The following DIS3L2 variants were observed in gnomAD, a reference collection of about 807,000 sequenced individuals.
The protein encoded by DIS3L2 is DIS3-like exonuclease 2.
A neutral mutation model predicts 97.5 loss-of-function variants in DIS3L2; 34 were observed. The observed-to-expected ratio is 0.35, with a 90% CI of 0.27 to 0.46. The LOEUF is 0.46. Ranked by LOEUF, DIS3L2 falls within the 20% of genes least tolerant of loss-of-function variation. The pLI is 1.00. For synonymous variants in DIS3L2, 435 were observed against 445.2 expected, an observed-to-expected ratio of 0.98 and a Z score of 0.29; for missense variants, 1,038 against 1,146.0, an observed-to-expected ratio of 0.91 and a Z score of 1.36.
chr2:232,216,484 A>G (rs970283215), intron 10 of DIS3L2, among the ~76,000 whole-genome samples: 7 of 152,012 alleles, frequency 4.6e-5, no homozygotes, highest in South Asian at 2.1e-4. Flanking sequence ...GCAAAGCCAC[A>G]TGGCTGACCT....
intron 13 of DIS3L2, chr2:232,343,060 C>A: frequency 2.8e-6 from 1 of 358,128 alleles, no homozygotes. Context: ...AGCTGCATCA[C>A]ACTGCTCTGC....
chr2:232,309,680 C>CAAGCCAAAGCCAAAGCCA (rs959324943), intron 14 of DIS3L2, among the ~76,000 whole-genome samples: 1 of 152,158 alleles, frequency 6.6e-6, no homozygotes, highest in Non-Finnish European at 1.5e-5. Context: ...GGAAAGTCCT[C>CAAGCCAAAGCCAAAGCCA]AAGCCAAAGC....
intron 5 of DIS3L2, among the ~76,000 whole-genome samples, chr2:232,069,334 G>T (rs935991884): frequency 1.3e-5 from 2 of 152,082 alleles, no homozygotes; most frequent in Non-Finnish European, 2.9e-5. Flanking sequence ...ATTCTAAAAG[G>T]GGAATAATCT....
intron 6 of DIS3L2, 28 bp from the exon 7 acceptor site, chr2:232,130,591 C>G: frequency 6.3e-7 from 1 of 1,597,842 alleles, no homozygotes; most frequent in Admixed American, 1.8e-5. Flanking sequence ...TTGATGACTC[C>G]TCTTCTCTCT....
chr2:232,117,496 C>T (rs1327337611), intron 6 of DIS3L2, among the ~76,000 whole-genome samples: 1 of 152,150 alleles, frequency 6.6e-6, no homozygotes, highest in Non-Finnish European at 1.5e-5. Flanking sequence ...GGGAATTTTC[C>T]AAACCATTTT....
chr2:232,341,386 G>A (rs776547967), downstream of DIS3L2, among the ~76,000 whole-genome samples: 6 of 152,216 alleles, frequency 3.9e-5, no homozygotes, highest in Non-Finnish European at 4.4e-5. Flanking sequence ...GAAGTACTTC[G>A]CATAGAGCCT....
intron 5 of DIS3L2, among the ~76,000 whole-genome samples, chr2:232,065,490 A>C (rs114280618): frequency 6.6e-6 from 1 of 152,026 alleles, no homozygotes; most frequent in Non-Finnish European, 1.5e-5. Context: ...TTGAATTACC[A>C]TGACATCTTT....
intron 6 of DIS3L2, among the ~76,000 whole-genome samples, chr2:232,096,081 A>G (rs1047694842): frequency 2.1e-5 from 3 of 141,942 alleles, no homozygotes; most frequent in African/African-American, 7.8e-5. Context: ...GCCTTGGGGT[A>G]GTTGTCTTTT....
intron 13 of DIS3L2, among the ~76,000 whole-genome samples, chr2:232,272,791 T>C (rs1216115108): frequency 6.6e-6 from 1 of 152,210 alleles, no homozygotes; most frequent in Non-Finnish European, 1.5e-5. Context: ...GGGATGGCCC[T>C]TGTGCGACCT....
At chr2:232,314,398 G>A (rs1340736746) in intron 14 of DIS3L2, among the ~76,000 whole-genome samples, 1 of 152,214 alleles carries the variant, frequency 6.6e-6, no homozygotes, top group Non-Finnish European at 1.5e-5. Flanking sequence ...GAGGAATGAA[G>A]AGGACAGAGA....
chr2:232,259,577 A>G (rs1693664217), intron 12 of DIS3L2, among the ~76,000 whole-genome samples: 1 of 151,992 alleles, frequency 6.6e-6, no homozygotes, highest in Admixed American at 6.5e-5. Flanking sequence ...ATGCATAAAT[A>G]TTTCAGGGAG....
At chr2:232,051,780 C>T (rs1695410979) in intron 5 of DIS3L2, among the ~76,000 whole-genome samples, 1 of 130,050 alleles carries the variant, frequency 7.7e-6, no homozygotes, top group African/African-American at 2.8e-5. Flanking sequence ...CCACTGCACT[C>T]CAGCCTGGGC....
At chr2:232,069,071 C>T (rs1259215832) in intron 5 of DIS3L2, among the ~76,000 whole-genome samples, 1 of 152,132 alleles carries the variant, frequency 6.6e-6, no homozygotes, top group East Asian at 1.9e-4. Context: ...CCCGCCTCAG[C>T]CTCCCAAAGT....
At chr2:232,038,371 A>G (rs72987676) in intron 5 of DIS3L2, among the ~76,000 whole-genome samples, 2,226 of 152,252 alleles carry the variant, frequency 0.015, 23 homozygotes, top group Non-Finnish European at 0.021. Flanking sequence ...ATAGGGAGAA[A>G]CAGAAGAATG....
intron 1 of DIS3L2, among the ~76,000 whole-genome samples, chr2:231,974,432 C>A (rs1693016137): frequency 6.6e-6 from 1 of 151,286 alleles, no homozygotes; most frequent in South Asian, 2.1e-4. Context: ...CTTGCTACAT[C>A]TTGAAGTTCC....
chr2:232,260,551 A>G (rs1264598095), intron 12 of DIS3L2: 1 of 152,264 alleles, frequency 6.6e-6, no homozygotes, highest in African/African-American at 2.4e-5. Context: ...GATTATTTGA[A>G]TCCCTTATAT....
chr2:231,977,888 A>T (rs1040286047), intron 1 of DIS3L2, among the ~76,000 whole-genome samples: 1 of 152,140 alleles, frequency 6.6e-6, no homozygotes, highest in Non-Finnish European at 1.5e-5. Context: ...TTTATTCTTG[A>T]GTTCTGGTCT....
intron 13 of DIS3L2, chr2:232,342,992 T>G (rs4555340): frequency 0.11 from 17,749 of 168,902 alleles, 1,138 homozygotes; most frequent in African/African-American, 0.21. Flanking sequence ...GGAGTCAGAG[T>G]GGGGGGGCTG....
At chr2:232,333,756 G>GAAA in intron 16 of DIS3L2, 84 bp from the exon 17 acceptor site, 82 of 1,487,056 alleles carry the variant, frequency 5.5e-5, no homozygotes, top group Admixed American at 4.1e-4. Context: ...CGCTGCCGAC[G>GAAA]GTGAGGCTGT....
Sources: allele counts gnomAD v4.1 joint callset (sites outside exome capture counted in the v4.1 genomes callset), GRCh38; gene constraint gnomAD v4.1.1; transcripts MANE v1.5; gene names NCBI Gene and HGNC (gene_info 2026-07-23, HGNC 2026-07-21).